METTL1: variants seen among roughly 807,000 people sequenced by gnomAD.
METTL1 encodes methyltransferase 1, tRNA methylguanosine.
A neutral mutation model predicts 27.7 loss-of-function variants in METTL1; 14 were observed. The observed-to-expected ratio is 0.51, with a 90% CI of 0.33 to 0.79. The LOEUF is 0.79. METTL1 is among the 30% of genes least tolerant of loss of function. The probability of loss-of-function intolerance (pLI) is 0.02; values close to 1 mark genes in which losing one functional copy is unlikely to be tolerated. For synonymous variants in METTL1, 138 were observed against 137.0 expected, an observed-to-expected ratio of 1.01 and a Z score of -0.05; for missense variants, 333 against 359.6, an observed-to-expected ratio of 0.93 and a Z score of 0.60.
At chr12:57,771,304 T>C (rs545589349) in intron 1 of METTL1, 47 bp from the exon 2 acceptor site, 4 of 1,589,984 alleles carry the variant, frequency 2.5e-6, no homozygotes, top group African/African-American at 1.3e-5. Flanking sequence ...GGTCACACCA[T>C]TGCAGAAGTG....
In METTL1 at chr12:57,772,034, TG is replaced by T; in HGVS notation, c.49del (p.Gln17ArgfsTer23). 6.4e-7 allele frequency: 1 copy of T among 1,554,346 alleles called. No homozygotes were observed. The highest frequency in any genetic ancestry group is 2.5e-5 in the East Asian group (1 of 40,370). ...AGCACGTTGCCGGTAGTAGCGCTTC[TG>T]GGGCGGTGGGGCCTCTGCTCCGGCC... ...NVAGAEAPPP[Q>X]KRYYRQRAHS... is the part of the protein sequence containing the mutation. On this transcript the variant is annotated frameshift_variant, in exon 1 of 6. Coordinates refer to ENST00000324871, the MANE Select transcript of METTL1 (RefSeq NM_005371.6). LOFTEE classifies it high-confidence loss of function. This position sits in a 1 kb window ranked among gnomAD's most constrained non-coding sequence, Gnocchi z 4.1.
At chr12:57,771,777 G>A (rs1955435570) in intron 1 of METTL1, among the ~76,000 whole-genome samples, 197 bp downstream of exon 1, 1 of 152,108 alleles carries the variant, frequency 6.6e-6, no homozygotes, top group South Asian at 2.1e-4. Flanking sequence ...CCCAGACTTA[G>A]GCCCGAACGC....
intron 2 of METTL1, 63 bp downstream of exon 2, chr12:57,771,031 G>A: frequency 6.4e-7 from 1 of 1,561,942 alleles, no homozygotes; most frequent in Non-Finnish European, 8.7e-7. Flanking sequence ...CCCCACAAAA[G>A]TTGCTGAGGC....
intron 4 of METTL1, 48 bp from the exon 5 acceptor site, chr12:57,769,452 C>A (rs765104284): frequency 6.2e-7 from 1 of 1,607,078 alleles, no homozygotes. Context: ...GCAACGTCAG[C>A]AGCCAGATGA....
Position 57,769,935 on chromosome 12 carries a change from G to A in METTL1, c.296C>T (p.Pro99Leu). The A allele has an allele frequency of 1.1e-5, 18 of 1,610,480 alleles. No individual in the cohort carries two copies. Among genetic ancestry groups the A allele is most frequent in the Non-Finnish European group, 1.5e-5 (18 of 1,178,030 alleles). Residue 99 changes from proline to leucine, a missense_variant, in exon 3 of 6, where the codon CCA becomes CTA. Pro to Leu is a moderately conservative substitution (Grantham distance 98, BLOSUM62 -3). Transcript: ENST00000324871. ...GLLVELSPLFPDTLILGLEIR... is the reference protein window; with the variant it reads ...GLLVELSPLFLDTLILGLEIR... Reference sequence around the variant, plus strand: ...CTCCAGACCCAGAATAAGTGTGTCTGGGAACAGCGGTGACAGTTCCACTGC... The same window carrying A: ...CTCCAGACCCAGAATAAGTGTGTCTAGGAACAGCGGTGACAGTTCCACTGC...
Position 57,769,918 on chromosome 12 carries a change from C to G in METTL1, c.313G>C (p.Gly105Arg). The G allele has an allele frequency of 3.7e-6, 6 of 1,612,912 alleles. No homozygotes were observed. Among genetic ancestry groups the G allele is most frequent in the Non-Finnish European group, 5.1e-6 (6 of 1,179,462 alleles). Residue 105 changes from glycine (G) to arginine (R), a missense_variant, in exon 3 of 6, where the codon GGT (glycine) becomes CGT (arginine). By Grantham distance (125) the Gly-to-Arg change is moderately radical. Transcript: ENST00000324871. ...GAGACCTTCACCCGGATCTCCAGAC[C>G]CAGAATAAGTGTGTCTGGGAACAGC... ...SPLFPDTLIL[G>R]LEIRVKVSDY...
Position 57,769,607 on chromosome 12 carries a change from A to G in METTL1, c.531T>C (p.Ser177=). The part of the protein sequence containing the change: ...KRTKHKWRII[S]PTLLAEYAYV... ...AGGCATATTCTGCTAGCAGGGTGGG[A>G]CTGATGATTCGCCACTTGTGCTTTG... The change falls in exon 4 of 6, where the codon AGT becomes AGC. Residue 177 remains serine (S), a synonymous_variant. Transcript: ENST00000324871. 6.4e-7 allele frequency: 1 copy of G among 1,554,450 alleles called. No individual in the cohort carries two copies. Among genetic ancestry groups the G allele is most frequent in the Non-Finnish European group, 8.7e-7 (1 of 1,147,132 alleles).
intron 1 of METTL1, chr12:57,771,686 C>T (rs936839159): frequency 8.7e-6 from 13 of 1,501,208 alleles, no homozygotes; most frequent in Non-Finnish European, 1.2e-5. Context: ...CAAACAAAAG[C>T]AAAAGATGGA....
Position 57,768,854 on chromosome 12 carries a change from G to T in METTL1, c.*142C>A, listed in dbSNP as rs768371974. The stretch of plus-strand genomic sequence containing the variant: ...GCCAGGGGTAGTCATGAACACCAGT[G>T]GGTTCTGCCCTGGGCAGCTCCCCAC... On this transcript the variant is annotated 3_prime_UTR_variant, in exon 6 of 6. Coordinates refer to ENST00000324871, the MANE Select transcript of METTL1 (RefSeq NM_005371.6). 3.0e-5 allele frequency: 29 copies of T among 979,066 alleles called. No homozygotes were observed. In the African/African-American group the frequency reaches 3.4e-4, roughly 12 times the overall value. 60.6% of individuals were successfully genotyped at this position (979,066 alleles called of 1,614,324 possible). A position where few individuals can be genotyped will look rare whatever the true frequency, so the allele number is the denominator to read the frequency against.
rs747919002 is a variant in METTL1, at chr12:57,772,098, G to A, written c.-15C>T. The A allele has an allele frequency of 1.9e-6, 3 of 1,571,282 alleles. No homozygotes were observed. The highest frequency in any genetic ancestry group is 1.2e-5 in the South Asian group (1 of 85,100). On this transcript the variant is annotated 5_prime_UTR_variant, in exon 1 of 6. Coordinates refer to ENST00000324871, the MANE Select transcript of METTL1 (RefSeq NM_005371.6). This position sits in a 1 kb window ranked among gnomAD's most constrained non-coding sequence, Gnocchi z 4.1. The stretch of plus-strand genomic sequence containing the variant: ...TCGGCTGCCATGATCCCAGTCCGGG[G>A]TTTCTCTACCAAATCCACGTGGAGG...
chr12:57,772,031 T>C lies in METTL1; in HGVS notation c.53A>G (p.Lys18Arg). 1 of 1,555,942 alleles carries C rather than the reference T, an allele frequency of 6.4e-7. No individual in the cohort carries two copies. Among genetic ancestry groups the C allele is most frequent in the Non-Finnish European group, 8.6e-7 (1 of 1,159,948 alleles). The change falls in exon 1 of 6, where the codon AAG (lysine) becomes AGG (arginine). Residue 18 changes from lysine to arginine, a missense_variant. Coordinates refer to ENST00000324871, the MANE Select transcript of METTL1 (RefSeq NM_005371.6). This position sits in a 1 kb window ranked among gnomAD's most constrained non-coding sequence, Gnocchi z 4.1. The part of the protein sequence containing the change: ...VAGAEAPPPQ[K>R]RYYRQRAHSN... ...GTGAGCACGTTGCCGGTAGTAGCGCTTCTGGGGCGGTGGGGCCTCTGCTCC... is the reference window on the plus strand; with the variant it reads ...GTGAGCACGTTGCCGGTAGTAGCGCCTCTGGGGCGGTGGGGCCTCTGCTCC...
At position 57,769,149 on chromosome 12, in the gene METTL1, A is replaced by G. The variant is rs1175908584; in HGVS notation, c.678T>C (p.Ser226=). Residue 226 remains serine (S), a splice_region_variant and synonymous_variant, in exon 6 of 6, where the codon AGT becomes AGC. Coordinates refer to ENST00000324871, the MANE Select transcript of METTL1 (RefSeq NM_005371.6). The part of the protein sequence containing the change: ...LFERVPLEDL[S]EDPVVGHLGT... ...CTAGATGTCCCACAACGGGGTCTTC[A>G]CTCTGGGAGAAGGAAGGGTCCAATA... 3 of 1,599,622 alleles carry G rather than the reference A, an allele frequency of 1.9e-6. No individual in the cohort carries two copies. Among genetic ancestry groups the G allele is most frequent in the Non-Finnish European group, 2.6e-6 (3 of 1,167,782 alleles).
rs780925532 is a variant in METTL1 at position 57,769,944 on chromosome 12, G to A, written c.287C>T (p.Pro96Leu). ...CAGAATAAGTGTGTCTGGGAACAGC[G>A]GTGACAGTTCCACTGCACACAGAAA... ...GYGGLLVELS[P>L]LFPDTLILGL... Residue 96 changes from proline (P) to leucine (L), a missense_variant, in exon 3 of 6, where the codon CCG becomes CTG. Coordinates refer to ENST00000324871, the MANE Select transcript of METTL1 (RefSeq NM_005371.6). 1.1e-5 allele frequency: 17 copies of A among 1,607,516 alleles called. No individual in the cohort carries two copies. Among genetic ancestry groups the A allele is most frequent in the Admixed American group, 3.4e-5 (2 of 59,212 alleles).
Position 57,769,884 on chromosome 12 carries a change from A to G in METTL1, c.347T>C (p.Val116Ala). The G allele has an allele frequency of 6.2e-7, 1 of 1,614,026 alleles. No individual in the cohort carries two copies. Among genetic ancestry groups the G allele is most frequent in the African/African-American group, 1.3e-5 (1 of 75,056 alleles). Residue 116 changes from valine (V) to alanine (A), a missense_variant, in exon 3 of 6, where the codon GTA becomes GCA. By Grantham distance (64) the Val-to-Ala change is moderately conservative. Coordinates refer to ENST00000324871, the MANE Select transcript of METTL1 (RefSeq NM_005371.6). ...GCGTAGGGCCCGAATCCGGTCTTGT[A>G]CATAGTCTGAGACCTTCACCCGGAT... Reference protein sequence around the residue: ...LEIRVKVSDYVQDRIRALRAA... With the variant: ...LEIRVKVSDYAQDRIRALRAA...
rs757613900 is a variant in METTL1 at position 57,769,739 on chromosome 12, C to T, written c.459+33G>A. On this transcript the variant is annotated intron_variant, in intron 3 of 5. Coordinates refer to ENST00000324871, the MANE Select transcript of METTL1 (RefSeq NM_005371.6). ...GCCTGGCCTCCATGCCCCCACCTGC[C>T]TACCAGCCTAACCCACCAGGGCCCC... is the stretch of plus-strand genomic sequence containing the variant. The T allele has an allele frequency of 9.3e-6, 15 of 1,611,456 alleles. No homozygotes were observed. The African/African-American group carries it at 1.3e-4, about 14-fold the overall frequency.
At chr12:57,771,659 C>T in intron 1 of METTL1, 1 of 1,520,970 alleles carries the variant, frequency 6.6e-7, no homozygotes, top group East Asian at 2.5e-5. Flanking sequence ...ATATGTTTGC[C>T]TTTTTATTAA....
rs372631727 is a variant in METTL1 at position 57,769,635 on chromosome 12, C to G, written c.503G>C (p.Arg168Pro). The change falls in exon 4 of 6, where the codon CGG (arginine) becomes CCG (proline). Residue 168 changes from arginine to proline, a missense_variant. Physicochemically the swap from Arg to Pro is moderately radical, Grantham distance 103. Transcript: ENST00000324871. Reference protein sequence around the residue: ...FFLFPDPHFKRTKHKWRIISP... With the variant: ...FFLFPDPHFKPTKHKWRIISP... ...GATGATTCGCCACTTGTGCTTTGTC[C>G]GCTTGAAATGTGGGTCGGGGAAGAG... is the stretch of plus-strand genomic sequence containing the variant. 1 of 1,557,334 alleles carries G rather than the reference C, an allele frequency of 6.4e-7. No individual in the cohort carries two copies. Among genetic ancestry groups the G allele is most frequent in the Non-Finnish European group, 8.7e-7 (1 of 1,148,360 alleles).
rs145717597 is a variant in METTL1, at chr12:57,770,703, G to A, written c.274+391C>T. On this transcript the variant is annotated intron_variant, in intron 2 of 5. Coordinates refer to ENST00000324871, the MANE Select transcript of METTL1 (RefSeq NM_005371.6). ...AAAAAACAGGAGAGTGGGGCAGAAG[G>A]AATGAGATCTGGCGAGGGAGGGGCA... 1.4e-3 allele frequency: 253 copies of A among 186,936 alleles called. 5 individuals carry two copies. Among genetic ancestry groups the A allele is most frequent in the African/African-American group, 5.6e-3 (242 of 42,944 alleles). The allele number at this position is 186,936 out of a possible 1,614,324, so 11.6% of individuals were successfully genotyped here.
rs755956057 is a variant in METTL1 at position 57,769,172 on chromosome 12, A to G, written c.676-21T>C. ...TCACTCTGGGAGAAGGAAGGGTCCA[A>G]TAAGTCCTTGCCCACTGTTCAGACT... On this transcript the variant is annotated intron_variant, in intron 5 of 5. Coordinates refer to ENST00000324871, the MANE Select transcript of METTL1 (RefSeq NM_005371.6). The G allele has an allele frequency of 2.4e-5, 38 of 1,601,414 alleles. 2 individuals are homozygous for G. The Middle Eastern group carries it at 4.1e-3, about 175-fold the overall frequency.
Sources: allele counts gnomAD v4.1 joint callset (sites outside exome capture counted in the v4.1 genomes callset), GRCh38; gene constraint gnomAD v4.1.1; non-coding constraint Gnocchi (gnomAD v3.1); transcripts MANE v1.5; gene names NCBI Gene and HGNC (gene_info 2026-07-23, HGNC 2026-07-21).